VGLL3: variants seen among roughly 807,000 people sequenced by gnomAD.
VGLL3 encodes the protein transcription cofactor vestigial-like protein 3.
A neutral mutation model predicts 29.2 loss-of-function variants in VGLL3; 18 were observed. The ratio of observed to expected loss-of-function variants is 0.62; its 90% CI spans 0.43 to 0.91. The LOEUF is 0.91. VGLL3 is among the 40% of genes least tolerant of loss of function. VGLL3 has a pLI of 0.00. For synonymous variants in VGLL3, 180 were observed against 151.8 expected (o/e 1.19, Z -1.36); for missense variants, 440 against 413.2 (o/e 1.06, Z -0.56).
Position 86,945,234 on chromosome 3 carries a change from T to C in VGLL3, c.*1790A>G, listed in dbSNP as rs1388721837. 6.6e-6 allele frequency: 1 copy of C among 152,036 alleles called. No individual in the cohort carries two copies. Among genetic ancestry groups the C allele is most frequent in the Non-Finnish European group, 1.5e-5 (1 of 68,022 alleles). The allele number at this position is 152,036 out of a possible 1,614,324, so 9.4% of individuals were successfully genotyped here. A position where few individuals can be genotyped will look rare whatever the true frequency, so the allele number is the denominator to read the frequency against. On this transcript the variant is annotated 3_prime_UTR_variant, in exon 4 of 4. Coordinates refer to ENST00000398399, the MANE Select transcript of VGLL3 (RefSeq NM_016206.4). ...ACAAAAGAGTATATAGATCTGAAGC[T>C]CAAAAGACGGATAGGATATAAATGA...
At chr3:86,982,866 T>C (rs952132051) in intron 1 of VGLL3, among the ~76,000 whole-genome samples, 13 of 152,206 alleles carry the variant, frequency 8.5e-5, no homozygotes, top group Non-Finnish European at 1.6e-4. Context: ...GTAAAATGAC[T>C]CTGGAGTAAG....
chr3:86,983,157 T>A (rs1184981886), intron 1 of VGLL3, among the ~76,000 whole-genome samples: 1 of 152,222 alleles, frequency 6.6e-6, no homozygotes, highest in Admixed American at 6.5e-5. Flanking sequence ...GGAAACTTTT[T>A]TTCCTAGGGA....
chr3:86,962,148 G>C, intron 3 of VGLL3: 1 of 985,362 alleles, frequency 1.0e-6, no homozygotes, highest in Non-Finnish European at 1.2e-6. Context: ...TGTGATAACA[G>C]CCTCTTGGTA....
At chr3:86,988,163 T>C (rs1308855843) in intron 1 of VGLL3, among the ~76,000 whole-genome samples, 1 of 152,200 alleles carries the variant, frequency 6.6e-6, no homozygotes, top group Non-Finnish European at 1.5e-5. Context: ...ACTTTAATGC[T>C]GTCTTTTCTA....
chr3:86,990,508 C>T (rs1365842459), intron 1 of VGLL3, 110 bp downstream of exon 1: 2 of 1,286,636 alleles, frequency 1.6e-6, no homozygotes, highest in Non-Finnish European at 2.0e-6. Flanking sequence ...CCGCAGATCC[C>T]AGAGCATCCT....
chr3:86,963,211 T>C (rs991552884), intron 3 of VGLL3: 4 of 154,686 alleles, frequency 2.6e-5, no homozygotes, highest in Non-Finnish European at 5.9e-5. Flanking sequence ...ATCAAATGCA[T>C]AAACAAAATG....
intron 1 of VGLL3, among the ~76,000 whole-genome samples, chr3:86,982,973 A>G (rs1185009084): frequency 1.3e-5 from 2 of 152,210 alleles, no homozygotes; most frequent in Non-Finnish European, 2.9e-5. Context: ...AGTACAGACC[A>G]TATCCAACCA....
chr3:86,955,182 C>T (rs1704693149), intron 3 of VGLL3, among the ~76,000 whole-genome samples: 1 of 152,042 alleles, frequency 6.6e-6, no homozygotes, highest in Non-Finnish European at 1.5e-5. Flanking sequence ...TGACTTATAA[C>T]ATTTACTACT....
intron 1 of VGLL3, among the ~76,000 whole-genome samples, chr3:86,981,721 T>C (rs551129351): frequency 2.6e-5 from 4 of 152,334 alleles, no homozygotes; most frequent in African/African-American, 9.6e-5. Context: ...AAAAAGCTTC[T>C]ATCTACCCAT....
At chr3:86,972,001 T>C (rs892807843) in intron 2 of VGLL3, among the ~76,000 whole-genome samples, 4 of 152,144 alleles carry the variant, frequency 2.6e-5, no homozygotes, top group Admixed American at 2.0e-4. Flanking sequence ...AGAATTCCCC[T>C]TATTAAAATC....
rs55986686 is a variant in VGLL3, at chr3:86,966,773, G to GTATATATA, written c.937+1809_937+1816dup. On this transcript the variant is annotated intron_variant, in intron 3 of 3. Coordinates refer to ENST00000398399, the MANE Select transcript of VGLL3 (RefSeq NM_016206.4). ...GAACTTAAAGTAATAGTGTGTGTGT[G>GTATATATA]TATATATATATATATATATATATAT... Among the ~76,000 whole-genome samples the GTATATATA allele has an allele frequency of 8.4e-4, 32 of 37,996 alleles. 2 individuals carry two copies. The highest frequency in any genetic ancestry group is 1.4e-3 in the South Asian group (1 of 740). 24.9% of individuals were successfully genotyped at this position (37,996 alleles called of 152,430 possible). A position where few individuals can be genotyped will look rare whatever the true frequency, so the allele number is the denominator to read the frequency against.
intron 3 of VGLL3, chr3:86,962,572 A>G (rs1300642668): frequency 1.0e-6 from 1 of 968,590 alleles, no homozygotes; most frequent in East Asian, 1.1e-4. Context: ...AAAAATTTAA[A>G]TTTAAATATT....
intron 3 of VGLL3, among the ~76,000 whole-genome samples, chr3:86,951,488 G>T (rs760966224): frequency 1.4e-4 from 22 of 152,114 alleles, no homozygotes; most frequent in Non-Finnish European, 2.4e-4. Context: ...CAGTACCTGG[G>T]GGCTAAGATT....
Position 86,969,085 on chromosome 3 carries a change from T to C in VGLL3, c.442A>G (p.Thr148Ala). ...ALSSQRNSFPTSFWTSSYQPP... is the reference protein window; with the variant it reads ...ALSSQRNSFPASFWTSSYQPP... The stretch of plus-strand genomic sequence containing the variant: ...TGGTAAGAGCTGGTCCAAAAGGAAG[T>C]TGGGAAACTATTCCGCTGGCTTGAG... Residue 148 changes from threonine to alanine, a missense_variant, in exon 3 of 4, where the codon ACT becomes GCT. By Grantham distance (58) the Thr-to-Ala change is moderately conservative. Transcript: ENST00000398399. 6.2e-7 allele frequency: 1 copy of C among 1,608,732 alleles called. No homozygotes were observed. The highest frequency in any genetic ancestry group is 1.1e-5 in the South Asian group (1 of 90,752).
intron 3 of VGLL3, among the ~76,000 whole-genome samples, chr3:86,961,667 C>G (rs1042713061): frequency 6.6e-6 from 1 of 152,136 alleles, no homozygotes; most frequent in Non-Finnish European, 1.5e-5. Flanking sequence ...TGAAATCAGT[C>G]CTCCACATCC....
rs758356718 is a variant in VGLL3 at position 86,990,600 on chromosome 3, G to A, written c.126+18C>T. On this transcript the variant is annotated intron_variant, in intron 1 of 3. Coordinates refer to ENST00000398399, the MANE Select transcript of VGLL3 (RefSeq NM_016206.4). The stretch of plus-strand genomic sequence containing the variant: ...CCTTCGCCCCCGCCCCCAGCAGGCT[G>A]CCCGTCCGGTGACTCACCTGCTGGC... 3 of 1,335,086 alleles carry A rather than the reference G, an allele frequency of 2.2e-6. No individual in the cohort carries two copies. Among genetic ancestry groups the A allele is most frequent in the Non-Finnish European group, 1.9e-6 (2 of 1,033,952 alleles). The allele number at this position is 1,335,086 out of a possible 1,614,324, so 82.7% of individuals were successfully genotyped here.
chr3:86,959,275 AC>A (rs898354245), intron 3 of VGLL3, among the ~76,000 whole-genome samples: 9 of 152,178 alleles, frequency 5.9e-5, no homozygotes, highest in African/African-American at 1.9e-4. Flanking sequence ...TTATAAGTAA[AC>A]TTTTATGCCT....
intron 3 of VGLL3, among the ~76,000 whole-genome samples, chr3:86,951,564 A>G (rs1237517167): frequency 6.6e-6 from 1 of 152,204 alleles, no homozygotes; most frequent in Non-Finnish European, 1.5e-5. Flanking sequence ...ATAAGAAGGC[A>G]TTATGACTCA....
At chr3:86,972,564 T>C (rs958266757) in intron 2 of VGLL3, among the ~76,000 whole-genome samples, 1 of 152,228 alleles carries the variant, frequency 6.6e-6, no homozygotes, top group Non-Finnish European at 1.5e-5. Flanking sequence ...TTATTTCATA[T>C]GTATGTAAAT....
Sources: gnomAD v4.1 joint callset for allele counts (sites outside exome capture counted in the v4.1 genomes callset) on GRCh38, gnomAD v4.1.1 for gene constraint, MANE v1.5 for transcripts, NCBI Gene and HGNC (gene_info 2026-07-23, HGNC 2026-07-21) for gene names.